PPM1L: variants seen among roughly 807,000 people sequenced by gnomAD.
PPM1L encodes protein phosphatase 1L.
PPM1L carries 13 observed loss-of-function variants against 31.4 expected under a neutral mutation model. The observed-to-expected ratio is 0.41, with a 90% confidence interval of 0.27 to 0.66. The LOEUF (loss-of-function observed/expected upper bound fraction) is 0.66, where lower values mean the gene tolerates loss of function less well. Ranked by LOEUF, PPM1L falls within the 30% of genes least tolerant of loss-of-function variation. The pLI is 0.29. For synonymous variants in PPM1L, 184 were observed against 175.4 expected, an observed-to-expected ratio of 1.05 and a Z score of -0.39; for missense variants, 326 against 453.7, an observed-to-expected ratio of 0.72 and a Z score of 2.56.
At chr3:160,782,301 T>G (rs1711771891) in intron 1 of PPM1L, among the ~76,000 whole-genome samples, 1 of 152,202 alleles carries the variant, frequency 6.6e-6, no homozygotes, top group Non-Finnish European at 1.5e-5. Flanking sequence ...CTAAGGTTGA[T>G]GGAGGTTGCA....
chr3:160,872,132 A>G (rs1712330182), intron 1 of PPM1L, among the ~76,000 whole-genome samples: 1 of 152,286 alleles, frequency 6.6e-6, no homozygotes, highest in East Asian at 1.9e-4. Context: ...ACAGCTGGCA[A>G]TCACTCACCG....
At chr3:160,785,003 A>G (rs1235008152) in intron 1 of PPM1L, among the ~76,000 whole-genome samples, 1 of 152,168 alleles carries the variant, frequency 6.6e-6, no homozygotes, top group African/African-American at 2.4e-5. Context: ...GTGACTGGAA[A>G]CTTTCTAAGC....
At chr3:160,807,507 C>A (rs1712640313) in intron 1 of PPM1L, among the ~76,000 whole-genome samples, 1 of 152,128 alleles carries the variant, frequency 6.6e-6, no homozygotes, top group Admixed American at 6.5e-5. Flanking sequence ...GCTTTTCTTT[C>A]TTCCATATTC....
chr3:161,022,223 A>G (rs1447366702), intron 2 of PPM1L: 4 of 642,624 alleles, frequency 6.2e-6, no homozygotes, highest in Non-Finnish European at 8.3e-6. Flanking sequence ...GTTCATATTA[A>G]TTCTAAACTA....
intron 1 of PPM1L, among the ~76,000 whole-genome samples, chr3:160,767,895 C>T (rs969347516): frequency 3.9e-5 from 6 of 151,908 alleles, no homozygotes; most frequent in South Asian, 2.1e-4. Flanking sequence ...TTTCATTTAT[C>T]GTTTTAATTA....
At chr3:161,044,197 G>A (rs773624001) in intron 2 of PPM1L, among the ~76,000 whole-genome samples, 13 of 151,618 alleles carry the variant, frequency 8.6e-5, no homozygotes, top group Non-Finnish European at 1.6e-4. Flanking sequence ...GTACCAACAC[G>A]CCCAGCTAAT....
intron 1 of PPM1L, among the ~76,000 whole-genome samples, chr3:160,822,900 G>A (rs1411161872): frequency 6.6e-6 from 1 of 151,986 alleles, no homozygotes; most frequent in Non-Finnish European, 1.5e-5. Flanking sequence ...AAAAGGAAGA[G>A]CTAGTTAAAC....
intron 1 of PPM1L, among the ~76,000 whole-genome samples, chr3:160,824,738 G>A (rs948750364): frequency 3.9e-5 from 6 of 152,136 alleles, no homozygotes; most frequent in South Asian, 2.1e-4. Flanking sequence ...TATATGTATA[G>A]ATTTATGTTT....
At chr3:161,042,060 C>A (rs1305819048) in intron 2 of PPM1L, among the ~76,000 whole-genome samples, 1 of 152,144 alleles carries the variant, frequency 6.6e-6, no homozygotes, top group Non-Finnish European at 1.5e-5. Context: ...GCAATACAAA[C>A]CTTCCTCCCC....
intron 2 of PPM1L, among the ~76,000 whole-genome samples, chr3:161,029,290 T>C (rs1329161079): frequency 1.3e-5 from 2 of 152,230 alleles, no homozygotes; most frequent in Non-Finnish European, 2.9e-5. Flanking sequence ...ACAAATGAAG[T>C]TGAGTTTTAC....
intron 1 of PPM1L, among the ~76,000 whole-genome samples, chr3:160,808,512 A>G (rs1712709780): frequency 1.3e-5 from 2 of 152,026 alleles, no homozygotes; most frequent in African/African-American, 2.4e-5. Context: ...GCCCTGGCCT[A>G]TAGCTGGGGG....
chr3:160,758,938 T>G (rs911817348), intron 1 of PPM1L, among the ~76,000 whole-genome samples: 1 of 152,252 alleles, frequency 6.6e-6, no homozygotes, highest in Non-Finnish European at 1.5e-5. Context: ...CCTTATCGTA[T>G]GTAGCCAGTT....
chr3:160,773,948 G>T (rs6441332), intron 1 of PPM1L, among the ~76,000 whole-genome samples: 3 of 152,002 alleles, frequency 2.0e-5, no homozygotes, highest in Non-Finnish European at 2.9e-5. Context: ...TTTCAAGAAG[G>T]GCTGTGCTCA....
At chr3:160,991,835 A>G (rs984421176) in intron 2 of PPM1L, among the ~76,000 whole-genome samples, 1 of 152,198 alleles carries the variant, frequency 6.6e-6, no homozygotes, top group Admixed American at 6.5e-5. Flanking sequence ...CATATGATAC[A>G]TCTATAGTAA....
At position 160,765,460 on chromosome 3, in the gene PPM1L, C is replaced by A. The variant is rs182013602; in HGVS notation, c.399+8753C>A. On this transcript the variant is annotated intron_variant, in intron 1 of 3. Coordinates refer to ENST00000498165, the MANE Select transcript of PPM1L (RefSeq NM_139245.4). ...TGACAGGTGGTGGTGTTTTTGAAAA[C>A]CCTATGCTGCTAACCTTGGTAGGTT... Among the ~76,000 whole-genome samples, 83 of 152,238 alleles carry A rather than the reference C, an allele frequency of 5.5e-4. No individual in the cohort carries two copies. In the East Asian group the frequency reaches 0.012, roughly 21 times the overall value.
At chr3:161,024,622 C>G (rs1454503216) in intron 2 of PPM1L, among the ~76,000 whole-genome samples, 1 of 151,626 alleles carries the variant, frequency 6.6e-6, no homozygotes, top group Non-Finnish European at 1.5e-5. Context: ...CACTTGAACC[C>G]AGGAGGCAAA....
In PPM1L at chr3:161,069,228, AAGTGTGGG is replaced by A. The variant is rs376105746; in HGVS notation, c.*75_*82del. On this transcript the variant is annotated 3_prime_UTR_variant, in exon 4 of 4. Transcript: ENST00000498165. ...CACTGGTCTCTTTTAATTTAGTGAA[AAGTGTGGG>A]AGTTGTAATTAGGATCATCCACCCC... 619 of 1,185,678 alleles carry A rather than the reference AAGTGTGGG, an allele frequency of 5.2e-4. 3 individuals are homozygous for A. The African/African-American group carries it at 8.5e-3, about 16-fold the overall frequency. The allele number at this position is 1,185,678 out of a possible 1,614,324, so 73.4% of individuals were successfully genotyped here.
At chr3:160,947,562 T>G (rs1262438640) in intron 1 of PPM1L, among the ~76,000 whole-genome samples, 1 of 152,092 alleles carries the variant, frequency 6.6e-6, no homozygotes, top group Non-Finnish European at 1.5e-5. Flanking sequence ...GTTCTTTGTT[T>G]TATCTCATCA....
intron 2 of PPM1L, among the ~76,000 whole-genome samples, chr3:160,962,702 T>C (rs1003729997): frequency 6.6e-6 from 1 of 152,062 alleles, no homozygotes; most frequent in Non-Finnish European, 1.5e-5. Flanking sequence ...TTTTTACAAG[T>C]ATTTTTTAGC....
Sources: gnomAD v4.1 joint callset for allele counts (sites outside exome capture counted in the v4.1 genomes callset) on GRCh38, gnomAD v4.1.1 for gene constraint, MANE v1.5 for transcripts, NCBI Gene and HGNC (gene_info 2026-07-23, HGNC 2026-07-21) for gene names.